The following RNLS variants were observed in gnomAD, a reference collection of about 807,000 sequenced individuals.
The protein encoded by RNLS is renalase, FAD dependent amine oxidase, also known as renalase.
In RNLS, 39 loss-of-function variants were observed where a neutral mutation model predicts 39.8. The ratio of observed to expected loss-of-function variants is 0.98; its 90% CI spans 0.76 to 1.28. RNLS has a LOEUF of 1.28. RNLS is among the 50% of genes most tolerant of loss of function. The pLI, the probability that RNLS is intolerant of heterozygous loss-of-function variation, is 0.00. For synonymous variants in RNLS, 147 were observed against 150.7 expected (o/e 0.98, Z 0.18); for missense variants, 410 against 413.3 (o/e 0.99, Z 0.07).
At chr10:88,368,550 G>GT (rs1850297831) in intron 4 of RNLS, among the ~76,000 whole-genome samples, 1 of 150,986 alleles carries the variant, frequency 6.6e-6, no homozygotes, top group Non-Finnish European at 1.5e-5. Context: ...AGTGTGTTAT[G>GT]TTTTTTCTCT....
the RNLS span, among the ~76,000 whole-genome samples, chr10:88,262,074 A>G: frequency 1.3e-5 from 2 of 152,218 alleles, no homozygotes; most frequent in African/African-American, 4.8e-5. Flanking sequence ...GAGAGGGTAT[A>G]GTGAGTACCT....
chr10:88,444,301 C>T (rs1408045326), intron 4 of RNLS, among the ~76,000 whole-genome samples: 1 of 152,096 alleles, frequency 6.6e-6, no homozygotes, highest in Admixed American at 6.5e-5. Context: ...AAAGGACATC[C>T]ACACCAAAAC....
chr10:88,306,480 G>GA (rs897750673), intron 6 of RNLS, among the ~76,000 whole-genome samples: 13 of 151,828 alleles, frequency 8.6e-5, no homozygotes, highest in Admixed American at 2.6e-4. Flanking sequence ...AACACAATAC[G>GA]AAAAAACAAG....
chr10:88,500,040 G>C (rs548045687), intron 4 of RNLS, among the ~76,000 whole-genome samples: 37 of 152,276 alleles, frequency 2.4e-4, no homozygotes, highest in African/African-American at 8.9e-4. Context: ...AGCCTTTACA[G>C]TCAACCTGTA....
chr10:88,410,242 T>C (rs1407647490), intron 4 of RNLS, among the ~76,000 whole-genome samples: 1 of 152,160 alleles, frequency 6.6e-6, no homozygotes, highest in African/African-American at 2.4e-5. Flanking sequence ...AGTTTTATTA[T>C]TCAAATTAAT....
chr10:88,528,286 T>C (rs1847224662), intron 4 of RNLS, among the ~76,000 whole-genome samples: 1 of 152,132 alleles, frequency 6.6e-6, no homozygotes, highest in Non-Finnish European at 1.5e-5. Context: ...TCTTTAGAAA[T>C]CTAAGAGGAA....
chr10:88,561,276 C>A (rs189475893), intron 4 of RNLS, among the ~76,000 whole-genome samples: 38 of 152,166 alleles, frequency 2.5e-4, no homozygotes, highest in Admixed American at 1.9e-3. Context: ...GTTTACAGGT[C>A]AAATAGTTCA....
At chr10:88,215,691 A>ATTTTT in the RNLS span, among the ~76,000 whole-genome samples, 75 of 95,428 alleles carry the variant, frequency 7.9e-4, 1 homozygote, top group Non-Finnish European at 1.1e-3. Flanking sequence ...ACCATCTGTA[A>ATTTTT]TTTTTTTTTT....
At chr10:88,518,167 C>A (rs2134183090) in intron 4 of RNLS, among the ~76,000 whole-genome samples, 1 of 151,666 alleles carries the variant, frequency 6.6e-6, no homozygotes, top group Non-Finnish European at 1.5e-5. Flanking sequence ...AAATTTAAGC[C>A]CTAGATTTTT....
At chr10:88,491,609 C>T (rs1441669246) in intron 4 of RNLS, among the ~76,000 whole-genome samples, 4 of 152,218 alleles carry the variant, frequency 2.6e-5, no homozygotes, top group South Asian at 4.1e-4. Context: ...AAACTATTCC[C>T]AGAGAAAACC....
At chr10:88,532,956 A>G (rs1265078830) in intron 4 of RNLS, among the ~76,000 whole-genome samples, 1 of 152,090 alleles carries the variant, frequency 6.6e-6, no homozygotes. Flanking sequence ...AGTTTCTAGA[A>G]TACTTTTTCA....
the RNLS span, among the ~76,000 whole-genome samples, chr10:88,243,846 C>T: frequency 6.6e-6 from 1 of 152,230 alleles, no homozygotes; most frequent in Non-Finnish European, 1.5e-5. Flanking sequence ...TCTCCTATCA[C>T]CCTTGGCAGC....
intron 4 of RNLS, among the ~76,000 whole-genome samples, chr10:88,537,640 A>G (rs1364049282): frequency 6.6e-6 from 1 of 151,934 alleles, no homozygotes; most frequent in Non-Finnish European, 1.5e-5. Flanking sequence ...TGAAGCACAA[A>G]AACAGGCAAA....
At position 88,527,899 on chromosome 10, in the gene RNLS, G is replaced by C. The variant is rs140173426; in HGVS notation, c.526+45004C>G. Among the ~76,000 whole-genome samples, 1,150 of 151,376 alleles carry C rather than the reference G, an allele frequency of 7.6e-3. 9 individuals carry two copies. Among genetic ancestry groups the C allele is most frequent in the Middle Eastern group, 0.054 (16 of 294 alleles). ...TTGTTATCCTCAGAGAGATAAGATA[G>C]TGCATCCAGAAAATAAGAAAGGACA... On this transcript the variant is annotated intron_variant, in intron 4 of 6. Coordinates refer to ENST00000331772, the MANE Select transcript of RNLS (RefSeq NM_001031709.3).
chr10:88,410,961 T>C (rs1051070118), intron 4 of RNLS, among the ~76,000 whole-genome samples: 3 of 152,188 alleles, frequency 2.0e-5, no homozygotes, highest in African/African-American at 7.2e-5. Flanking sequence ...GAAATGCACA[T>C]GGACACACAT....
At chr10:88,314,731 C>G (rs1022059616) in intron 5 of RNLS, 90 bp from the exon 6 acceptor site, 1 of 1,070,076 alleles carries the variant, frequency 9.3e-7, no homozygotes, top group Admixed American at 3.0e-5. Flanking sequence ...AAGAACTGAT[C>G]ACAATAATCA....
At position 88,351,327 on chromosome 10, in the gene RNLS, T is replaced by A. The variant is rs1848690561; in HGVS notation, c.700+11225A>T. ...CCCATCCCTATGTCCTAAATGGTAA[T>A]GCCTATGTTTTCTTCTATGGTTTTT... On this transcript the variant is annotated intron_variant, in intron 5 of 6. Transcript: ENST00000331772. 2.0e-5 allele frequency among the ~76,000 whole-genome samples: 3 copies of A among 152,236 alleles called. 1 individual carries two copies. The South Asian group carries it at 6.2e-4, about 32-fold the overall frequency.
chr10:88,343,767 G>A, intron 5 of RNLS: 2 of 985,242 alleles, frequency 2.0e-6, no homozygotes, highest in Non-Finnish European at 2.4e-6. Flanking sequence ...ATTTATCCTG[G>A]GACACAAGGA....
chr10:88,305,705 CTT>C (rs1323265517), intron 6 of RNLS, among the ~76,000 whole-genome samples: 1 of 152,128 alleles, frequency 6.6e-6, no homozygotes, highest in Non-Finnish European at 1.5e-5. Context: ...TTCAAATAGA[CTT>C]AGACTCTGAC....
Sources: gnomAD v4.1 joint callset for allele counts (sites outside exome capture counted in the v4.1 genomes callset) on GRCh38, gnomAD v4.1.1 for gene constraint, MANE v1.5 for transcripts, NCBI Gene and HGNC (gene_info 2026-07-23, HGNC 2026-07-21) for gene names.